CBFA2T2: variants seen among roughly 807,000 people sequenced by gnomAD.
CBFA2T2 encodes the protein protein CBFA2T2.
In CBFA2T2, 11 loss-of-function variants were observed where a neutral mutation model predicts 62.2. The observed-to-expected ratio is 0.18, with a 90% CI of 0.11 to 0.29. The LOEUF is 0.29. Among genes scored for constraint, CBFA2T2 ranks in the 10% least tolerant of loss-of-function variants. The pLI is 1.00. For missense variants in CBFA2T2, 592 were observed against 774.1 expected (o/e 0.76, Z 2.79); for synonymous variants, 295 against 287.5 (o/e 1.03, Z -0.27).
intron 1 of CBFA2T2, among the ~76,000 whole-genome samples, chr20:33,589,297 C>T (rs186678057): frequency 1.3e-5 from 2 of 152,282 alleles, no homozygotes; most frequent in East Asian, 1.9e-4. Context: ...CTCCCTTTGT[C>T]TTTATCTGTT....
At chr20:33,606,268 A>C (rs1424743204) in intron 1 of CBFA2T2, among the ~76,000 whole-genome samples, 2 of 152,218 alleles carry the variant, frequency 1.3e-5, no homozygotes, top group African/African-American at 4.8e-5. Flanking sequence ...ATTTGAGGTA[A>C]GCTATATTTG....
chr20:33,639,695 G>C (rs957150569), intron 9 of CBFA2T2: 8 of 152,478 alleles, frequency 5.2e-5, no homozygotes, highest in Admixed American at 4.6e-4. Flanking sequence ...TTCGAGACAA[G>C]CCTTAGCAAC....
chr20:33,501,370 C>A (rs989427084), intron 1 of CBFA2T2, among the ~76,000 whole-genome samples: 4 of 152,130 alleles, frequency 2.6e-5, no homozygotes, highest in Non-Finnish European at 5.9e-5. Flanking sequence ...TTTTCGAAGC[C>A]ACATGAGAAC....
chr20:33,649,021 G>A lies in CBFA2T2; in HGVS notation c.*4375G>A, dbSNP rs2017153158. On this transcript the variant is annotated 3_prime_UTR_variant, in exon 11 of 11. Coordinates refer to ENST00000342704, the MANE Select transcript of CBFA2T2 (RefSeq NM_001032999.3). ...GAGCTCTTCAAAATGAAAACAGAATGACCGGATGGCCATCTGTCCTGGAAA... is the reference window on the plus strand; with the variant it reads ...GAGCTCTTCAAAATGAAAACAGAATAACCGGATGGCCATCTGTCCTGGAAA... 1 of 152,150 alleles carries A rather than the reference G, an allele frequency of 6.6e-6. No homozygotes were observed. Among genetic ancestry groups the A allele is most frequent in the African/African-American group, 2.4e-5 (1 of 41,436 alleles). 9.4% of individuals were successfully genotyped at this position (152,150 alleles called of 1,614,324 possible).
At chr20:33,495,171 C>T (rs542463780) in intron 1 of CBFA2T2, among the ~76,000 whole-genome samples, 34 of 151,782 alleles carry the variant, frequency 2.2e-4, no homozygotes, top group African/African-American at 4.1e-4. Flanking sequence ...TCGAGGTGGG[C>T]GGATCATCTG....
intron 1 of CBFA2T2, among the ~76,000 whole-genome samples, chr20:33,575,703 G>A (rs1279522731): frequency 1.3e-5 from 2 of 152,202 alleles, no homozygotes; most frequent in East Asian, 3.9e-4. Context: ...AGAGCTCAAG[G>A]AACTCACAGA....
intron 1 of CBFA2T2, among the ~76,000 whole-genome samples, chr20:33,600,182 G>GTTTTTTTTTTTTTTTTTTTTTT (rs1183371343): frequency 1.6e-5 from 1 of 62,048 alleles, no homozygotes; most frequent in African/African-American, 6.5e-5. Context: ...CTTTTGGAAA[G>GTTTTTTTTTTTTTTTTTTTTTT]TTTTTTTTTT....
At chr20:33,590,699 TA>T (rs1568837770) in intron 1 of CBFA2T2, among the ~76,000 whole-genome samples, 1 of 152,168 alleles carries the variant, frequency 6.6e-6, no homozygotes, top group African/African-American at 2.4e-5. Context: ...TGGCTTCCCA[TA>T]AAGAAAGCTA....
chr20:33,527,835 C>T (rs2011933085), intron 1 of CBFA2T2, among the ~76,000 whole-genome samples: 1 of 152,080 alleles, frequency 6.6e-6, no homozygotes, highest in Non-Finnish European at 1.5e-5. Flanking sequence ...TCAGCCTCCA[C>T]TCCCAGCCTG....
chr20:33,542,326 C>T (rs2146878626), intron 1 of CBFA2T2, among the ~76,000 whole-genome samples: 1 of 152,278 alleles, frequency 6.6e-6, no homozygotes, highest in East Asian at 1.9e-4. Flanking sequence ...GTCTTAACAC[C>T]TGTGAGGAAC....
At chr20:33,490,906 A>G (rs780365648) in intron 1 of CBFA2T2, among the ~76,000 whole-genome samples, 1 of 152,274 alleles carries the variant, frequency 6.6e-6, no homozygotes, top group South Asian at 2.1e-4. Flanking sequence ...CACACACACA[A>G]TTGTGAAAAC....
At chr20:33,643,818 GTATATAA>G (rs1388341744) in intron 10 of CBFA2T2, among the ~76,000 whole-genome samples, 5 of 34,130 alleles carry the variant, frequency 1.5e-4, no homozygotes, top group Non-Finnish European at 2.5e-4. Flanking sequence ...TATATATATA[GTATATAA>G]TGTGTGTGTG....
At chr20:33,544,945 C>CAGAACAGAATAGAATAGAAT (rs1215816057) in intron 1 of CBFA2T2, among the ~76,000 whole-genome samples, 13 of 130,974 alleles carry the variant, frequency 9.9e-5, no homozygotes, top group African/African-American at 3.7e-4. Flanking sequence ...TAGAATAGAA[C>CAGAACAGAATAGAATAGAAT]AGAATAGAAT....
chr20:33,498,714 C>T (rs1261801860), intron 1 of CBFA2T2, among the ~76,000 whole-genome samples: 1 of 151,904 alleles, frequency 6.6e-6, no homozygotes, highest in Non-Finnish European at 1.5e-5. Flanking sequence ...TGCACTCCAG[C>T]CTGGGTGACA....
chr20:33,502,129 G>A (rs2011296208), intron 1 of CBFA2T2, among the ~76,000 whole-genome samples: 2 of 151,994 alleles, frequency 1.3e-5, no homozygotes, highest in South Asian at 4.2e-4. Context: ...AATTTTTGTT[G>A]TTGTTTCTGT....
At chr20:33,516,853 T>A (rs2011607483) in intron 1 of CBFA2T2, among the ~76,000 whole-genome samples, 1 of 152,222 alleles carries the variant, frequency 6.6e-6, no homozygotes, top group South Asian at 2.1e-4. Flanking sequence ...ACAAAACTAT[T>A]CTAGAAGATC....
chr20:33,634,670 CAAAAAAAAAAAAA>C (rs758089440), intron 8 of CBFA2T2, among the ~76,000 whole-genome samples: 9 of 47,924 alleles, frequency 1.9e-4, no homozygotes, highest in South Asian at 1.0e-3. Flanking sequence ...ACCCTATGTC[CAAAAAAAAAAAAA>C]AAAAAAAAAA....
At chr20:33,626,830 A>T (rs2122345894) in intron 6 of CBFA2T2, among the ~76,000 whole-genome samples, 1 of 152,348 alleles carries the variant, frequency 6.6e-6, no homozygotes, top group South Asian at 2.1e-4. Context: ...TGGTGTTCTC[A>T]GAGCCAACAT....
At chr20:33,620,525 ATAAAAAAAGAAATATTTAAGAG>A (rs2015910907) in intron 4 of CBFA2T2, among the ~76,000 whole-genome samples, 1 of 151,088 alleles carries the variant, frequency 6.6e-6, no homozygotes, top group South Asian at 2.1e-4. Flanking sequence ...AAAATAAAGA[ATAAAAAAAGAAATATTTAAGAG>A]TAAGCCGCAA....
Sources: allele counts gnomAD v4.1 joint callset (sites outside exome capture counted in the v4.1 genomes callset), GRCh38; gene constraint gnomAD v4.1.1; transcripts MANE v1.5; gene names NCBI Gene and HGNC (gene_info 2026-07-23, HGNC 2026-07-21).